LINGO2: variants seen among roughly 807,000 people sequenced by gnomAD.
The protein encoded by LINGO2 is leucine rich repeat and Ig domain containing 2.
A neutral mutation model predicts 30.6 loss-of-function variants in LINGO2; 14 were observed. The observed-to-expected ratio is 0.46, with a 90% CI of 0.30 to 0.72. The LOEUF (loss-of-function observed/expected upper bound fraction) is 0.72, where lower values mean the gene tolerates loss of function less well. Among genes scored for constraint, LINGO2 ranks in the 30% least tolerant of loss-of-function variants. The pLI is 0.07. For missense variants in LINGO2, 729 were observed against 751.7 expected (o/e 0.97, Z 0.35); for synonymous variants, 317 against 288.5 (o/e 1.10, Z -1.00).
the LINGO2 span, among the ~76,000 whole-genome samples, chr9:28,794,415 C>T: frequency 6.6e-6 from 1 of 152,156 alleles, no homozygotes; most frequent in Non-Finnish European, 1.5e-5. Flanking sequence ...TGAGTTAGTT[C>T]TGGGAGGCTA....
At chr9:28,784,965 T>C in the LINGO2 span, among the ~76,000 whole-genome samples, 638 of 150,076 alleles carry the variant, frequency 4.3e-3, 3 homozygotes, top group Non-Finnish European at 7.4e-3. Flanking sequence ...AAAAAAAGAA[T>C]TGCAAATATA....
chr9:28,773,580 C>T, the LINGO2 span, among the ~76,000 whole-genome samples: 1 of 152,158 alleles, frequency 6.6e-6, no homozygotes, highest in East Asian at 1.9e-4. Context: ...CTTCCAAATC[C>T]CACTGCAGGA....
chr9:29,087,496 T>C, the LINGO2 span, among the ~76,000 whole-genome samples: 2 of 152,124 alleles, frequency 1.3e-5, no homozygotes, highest in South Asian at 2.1e-4. Context: ...TGTTCACAAT[T>C]AGCAAGTAAT....
At chr9:28,561,431 T>A (rs923172743) in intron 1 of LINGO2, among the ~76,000 whole-genome samples, 3 of 151,544 alleles carry the variant, frequency 2.0e-5, no homozygotes, top group Non-Finnish European at 2.9e-5. Flanking sequence ...TAGGAGAACC[T>A]CTGATAGTTA....
chr9:28,535,339 T>A (rs1038627382), intron 1 of LINGO2, among the ~76,000 whole-genome samples: 3 of 152,028 alleles, frequency 2.0e-5, no homozygotes, highest in African/African-American at 7.2e-5. Context: ...TTTGCAGGGA[T>A]CATGAATTAT....
the LINGO2 span, among the ~76,000 whole-genome samples, chr9:29,168,371 T>A: frequency 6.6e-6 from 1 of 152,302 alleles, no homozygotes; most frequent in African/African-American, 2.4e-5. Flanking sequence ...TGCTAAAAAA[T>A]GTGCTTAAGT....
chr9:28,282,396 A>G (rs1037300772), intron 4 of LINGO2, among the ~76,000 whole-genome samples: 5 of 150,640 alleles, frequency 3.3e-5, no homozygotes, highest in African/African-American at 1.2e-4. Context: ...GTAGTTTACC[A>G]TCTCTTTCAG....
intron 2 of LINGO2, among the ~76,000 whole-genome samples, chr9:28,439,120 T>C (rs1370528206): frequency 6.8e-6 from 1 of 148,120 alleles, no homozygotes; most frequent in Non-Finnish European, 1.5e-5. Context: ...ATAGATAATA[T>C]CTATTTATAC....
intron 4 of LINGO2, among the ~76,000 whole-genome samples, chr9:28,248,267 A>T (rs1822073536): frequency 6.6e-6 from 1 of 152,182 alleles, no homozygotes; most frequent in Non-Finnish European, 1.5e-5. Context: ...GTGAAGTACT[A>T]TTCACCATAA....
At chr9:28,149,796 C>T (rs1218337828) in intron 4 of LINGO2, among the ~76,000 whole-genome samples, 6 of 147,296 alleles carry the variant, frequency 4.1e-5, no homozygotes, top group Non-Finnish European at 6.0e-5. Flanking sequence ...CGGCCTCCAT[C>T]CCATCTGGGA....
chr9:28,832,883 A>G, the LINGO2 span, among the ~76,000 whole-genome samples: 872 of 152,158 alleles, frequency 5.7e-3, 7 homozygotes, highest in African/African-American at 0.02. Context: ...CATGTTTTGT[A>G]TAGTGTACCT....
At chr9:28,668,170 A>G (rs913829583) in intron 1 of LINGO2, among the ~76,000 whole-genome samples, 2 of 152,160 alleles carry the variant, frequency 1.3e-5, no homozygotes, top group Admixed American at 6.5e-5. Flanking sequence ...GGAGATTAGC[A>G]ATAAAATAAT....
chr9:29,197,489 A>T, the LINGO2 span, among the ~76,000 whole-genome samples: 2 of 152,042 alleles, frequency 1.3e-5, no homozygotes, highest in Non-Finnish European at 2.9e-5. Flanking sequence ...TAAAATTATA[A>T]TAATAATAGA....
chr9:28,100,682 G>T lies in LINGO2; in HGVS notation c.-86-88277C>A, dbSNP rs551098203. Among the ~76,000 whole-genome samples the T allele has an allele frequency of 3.3e-5, 5 of 152,222 alleles. No individual in the cohort carries two copies. In the East Asian group the frequency reaches 9.7e-4, roughly 29 times the overall value. ...AGAACCAAAGCATAAAGACCCCTGT[G>T]CAAATTGAGGCTGTAGTTACCTTAT... On this transcript the variant is annotated intron_variant, in intron 4 of 5. Transcript: ENST00000379992.
intron 1 of LINGO2, among the ~76,000 whole-genome samples, chr9:28,615,095 G>A (rs1251197632): frequency 3.9e-5 from 6 of 152,070 alleles, no homozygotes; most frequent in Admixed American, 3.9e-4. Context: ...CTACATGGGA[G>A]AACTAATTTG....
At chr9:28,134,919 G>A (rs1168642771) in intron 4 of LINGO2, among the ~76,000 whole-genome samples, 1 of 152,176 alleles carries the variant, frequency 6.6e-6, no homozygotes, top group Non-Finnish European at 1.5e-5. Context: ...AAGCTCAGAC[G>A]CTCTATACAG....
At chr9:28,020,479 A>C (rs530619852) in intron 4 of LINGO2, among the ~76,000 whole-genome samples, 1 of 152,252 alleles carries the variant, frequency 6.6e-6, no homozygotes, top group East Asian at 1.9e-4. Context: ...CTGTGAGCCG[A>C]GATCGCACTA....
At chr9:29,107,992 C>G in the LINGO2 span, among the ~76,000 whole-genome samples, 1 of 151,894 alleles carries the variant, frequency 6.6e-6, no homozygotes, top group Non-Finnish European at 1.5e-5. Context: ...ACATAGGCAG[C>G]TGCACACAAA....
intron 3 of LINGO2, among the ~76,000 whole-genome samples, chr9:28,346,387 T>C (rs1368627144): frequency 1.3e-5 from 2 of 152,230 alleles, no homozygotes; most frequent in African/African-American, 2.4e-5. Flanking sequence ...TTCTTTTTTA[T>C]GGCTGCATAG....
Sources: gnomAD v4.1 joint callset for allele counts (sites outside exome capture counted in the v4.1 genomes callset) on GRCh38, gnomAD v4.1.1 for gene constraint, MANE v1.5 for transcripts, NCBI Gene and HGNC (gene_info 2026-07-23, HGNC 2026-07-21) for gene names.